The following AGMO variants were observed in gnomAD, a reference collection of about 807,000 sequenced individuals.
AGMO encodes the protein alkylglycerol monooxygenase.
In AGMO, 75 loss-of-function variants were observed where a neutral mutation model predicts 60.2. The observed-to-expected ratio is 1.25, with a 90% CI of 1.03 to 1.51. The LOEUF (loss-of-function observed/expected upper bound fraction) is 1.51. Ranked by LOEUF, AGMO falls within the 40% of genes most tolerant of loss-of-function variation. The pLI is 0.00. For missense variants in AGMO, 763 were observed against 525.5 expected, an observed-to-expected ratio of 1.45 and a Z score of -4.42; for synonymous variants, 261 against 177.1, an observed-to-expected ratio of 1.47 and a Z score of -3.76.
chr7:15,350,883 T>C (rs912162432), intron 12 of AGMO, among the ~76,000 whole-genome samples: 3 of 152,162 alleles, frequency 2.0e-5, no homozygotes, highest in African/African-American at 7.2e-5. Flanking sequence ...AAATGAGGCA[T>C]TATTTTGGAG....
At chr7:15,447,633 C>T (rs1655129353) in intron 3 of AGMO, among the ~76,000 whole-genome samples, 1 of 152,112 alleles carries the variant, frequency 6.6e-6, no homozygotes, top group South Asian at 2.1e-4. Context: ...TCACTGCAAC[C>T]TCCACCTCCC....
At position 15,504,943 on chromosome 7, in the gene AGMO, A is replaced by G. The variant is rs146595963; in HGVS notation, c.409+39829T>C. 5.4e-3 allele frequency among the ~76,000 whole-genome samples: 824 copies of G among 152,112 alleles called. 7 individuals are homozygous for G. The highest frequency in any genetic ancestry group is 8.1e-3 in the Non-Finnish European group (550 of 67,944). On this transcript the variant is annotated intron_variant, in intron 3 of 12. Transcript: ENST00000342526. ...TCAAAAAATTATTAGTTATCATACTATAAAATATCATCAGTAATCATTCCC... is the reference window on the plus strand; with the variant it reads ...TCAAAAAATTATTAGTTATCATACTGTAAAATATCATCAGTAATCATTCCC...
At chr7:15,372,911 G>C (rs1439530022) in intron 10 of AGMO, among the ~76,000 whole-genome samples, 2 of 152,116 alleles carry the variant, frequency 1.3e-5, no homozygotes, top group East Asian at 1.9e-4. Context: ...ATTTGGGAAA[G>C]ATCATAACCA....
the AGMO span, among the ~76,000 whole-genome samples, chr7:15,161,466 A>T: frequency 6.6e-6 from 1 of 151,770 alleles, no homozygotes; most frequent in South Asian, 2.1e-4. Flanking sequence ...ACATACATAT[A>T]CACATATAAG....
At chr7:15,398,429 A>G (rs1364871677) in intron 5 of AGMO, among the ~76,000 whole-genome samples, 1 of 152,188 alleles carries the variant, frequency 6.6e-6, no homozygotes, top group Non-Finnish European at 1.5e-5. Context: ...GGTAGTGCCT[A>G]TGAGTACCTT....
chr7:15,303,957 G>A (rs1252689631), intron 12 of AGMO, among the ~76,000 whole-genome samples: 2 of 151,930 alleles, frequency 1.3e-5, no homozygotes, highest in Non-Finnish European at 1.5e-5. Flanking sequence ...TAGGTCTGTG[G>A]GTATATCTCT....
chr7:15,205,086 C>T (rs1781406528), intron 12 of AGMO, among the ~76,000 whole-genome samples: 2 of 152,156 alleles, frequency 1.3e-5, no homozygotes, highest in Admixed American at 1.3e-4. Flanking sequence ...GTGCTTGTTG[C>T]ATGCTCTCAA....
In AGMO at chr7:15,425,703, G is replaced by C. The variant is rs529206725; in HGVS notation, c.513+5302C>G. ...AATCTGCCTGCCTCAGCCTCCCAAA[G>C]TACTGGGATTACAGGCATGAGCCAT... On this transcript the variant is annotated intron_variant, in intron 4 of 12. Coordinates refer to ENST00000342526, the MANE Select transcript of AGMO (RefSeq NM_001004320.2). 7.2e-5 allele frequency among the ~76,000 whole-genome samples: 11 copies of C among 152,234 alleles called. No individual in the cohort carries two copies. In the East Asian group the frequency reaches 2.1e-3, roughly 29 times the overall value.
chr7:15,553,711 A>AATAC (rs1785045340), intron 2 of AGMO, among the ~76,000 whole-genome samples: 1 of 152,166 alleles, frequency 6.6e-6, no homozygotes, highest in Admixed American at 6.6e-5. Flanking sequence ...TTTGTAAAAA[A>AATAC]ATACATAAAT....
chr7:15,237,323 A>G (rs938087909), intron 12 of AGMO, among the ~76,000 whole-genome samples: 24 of 152,128 alleles, frequency 1.6e-4, no homozygotes, highest in Non-Finnish European at 1.9e-4. Context: ...AGAACAGATG[A>G]AAGTAGCACA....
At chr7:15,343,518 T>C (rs1216616200) in intron 12 of AGMO, among the ~76,000 whole-genome samples, 1 of 152,188 alleles carries the variant, frequency 6.6e-6, no homozygotes, top group African/African-American at 2.4e-5. Context: ...CTTTTTGGCA[T>C]CTATAATATC....
chr7:15,356,460 A>G (rs1272764354), intron 12 of AGMO, among the ~76,000 whole-genome samples: 1 of 152,142 alleles, frequency 6.6e-6, no homozygotes, highest in Non-Finnish European at 1.5e-5. Context: ...TATATAGTAT[A>G]TAAGATACCA....
chr7:15,186,742 G>T, the AGMO span, among the ~76,000 whole-genome samples: 1 of 152,004 alleles, frequency 6.6e-6, no homozygotes, highest in South Asian at 2.1e-4. Context: ...TGGATGTTTG[G>T]GCCTAACCAG....
At chr7:15,366,419 G>C (rs1370973207) in intron 10 of AGMO, among the ~76,000 whole-genome samples, 197 bp from the exon 11 acceptor site, 13 of 152,078 alleles carry the variant, frequency 8.5e-5, no homozygotes, top group Non-Finnish European at 8.8e-5. Flanking sequence ...GACACTTGGA[G>C]AATTAGACAA....
chr7:15,319,064 C>T (rs150217436), intron 12 of AGMO, among the ~76,000 whole-genome samples: 4 of 152,032 alleles, frequency 2.6e-5, no homozygotes, highest in African/African-American at 7.2e-5. Context: ...TTCCTCCTCC[C>T]GTTTCTCTAC....
chr7:15,507,901 T>C (rs1365742721), intron 3 of AGMO, among the ~76,000 whole-genome samples: 1 of 152,002 alleles, frequency 6.6e-6, no homozygotes, highest in Non-Finnish European at 1.5e-5. Context: ...TGGATGTGGA[T>C]ATGAAAGGGG....
intron 2 of AGMO, among the ~76,000 whole-genome samples, chr7:15,552,772 A>C (rs1366844796): frequency 6.7e-6 from 1 of 150,204 alleles, no homozygotes; most frequent in Non-Finnish European, 1.5e-5. Flanking sequence ...GCGATTCTTC[A>C]GGGATCTAGA....
At chr7:15,387,799 T>G (rs1191263909) in intron 8 of AGMO, among the ~76,000 whole-genome samples, 2 of 152,162 alleles carry the variant, frequency 1.3e-5, no homozygotes, top group African/African-American at 4.8e-5. Flanking sequence ...GGGCAATTGT[T>G]TAGACAATCA....
chr7:15,138,688 G>A, the AGMO span, among the ~76,000 whole-genome samples: 36 of 152,182 alleles, frequency 2.4e-4, no homozygotes, highest in Middle Eastern at 3.4e-3. Context: ...ATACTTACCC[G>A]TTCACAAATA....
Sources: allele counts gnomAD v4.1 joint callset (sites outside exome capture counted in the v4.1 genomes callset), GRCh38; gene constraint gnomAD v4.1.1; transcripts MANE v1.5; gene names NCBI Gene and HGNC (gene_info 2026-07-23, HGNC 2026-07-21).